VAV1: variants seen among roughly 807,000 people sequenced by gnomAD.
VAV1 encodes vav guanine nucleotide exchange factor 1.
Under a neutral mutation model 128.1 loss-of-function variants are expected in VAV1, and 33 were observed. That is an observed-to-expected ratio of 0.26 (90% CI 0.20 to 0.34). The LOEUF is 0.34. Among genes scored for constraint, VAV1 ranks in the 10% least tolerant of loss-of-function variants. The pLI, the probability that VAV1 is intolerant of heterozygous loss-of-function variation, is 1.00. For missense variants in VAV1, 715 were observed against 1,093.7 expected (o/e 0.65, Z 4.88); for synonymous variants, 394 against 409.8 (o/e 0.96, Z 0.47).
intron 14 of VAV1, 96 bp downstream of exon 14, chr19:6,830,014 C>T: frequency 1.3e-6 from 2 of 1,568,384 alleles, no homozygotes; most frequent in South Asian, 2.3e-5. Context: ...ACTACATCTA[C>T]ATGGAAGTGT....
intron 1 of VAV1, among the ~76,000 whole-genome samples, chr19:6,795,919 G>C (rs753959811): frequency 1.3e-5 from 2 of 152,066 alleles, no homozygotes; most frequent in Non-Finnish European, 2.9e-5. Flanking sequence ...TCCTGACCTC[G>C]TGATCCGCCC....
At position 6,843,072 on chromosome 19, in the gene VAV1, C is replaced by A; in HGVS notation, c.1981-63C>A. 3.9e-6 allele frequency: 6 copies of A among 1,542,486 alleles called. No individual in the cohort carries two copies. In the South Asian group the frequency reaches 6.7e-5, roughly 17 times the overall value. On this transcript the variant is annotated intron_variant, in intron 21 of 26. Coordinates refer to ENST00000602142, the MANE Select transcript of VAV1 (RefSeq NM_005428.4). ...GTGAATGAATGAATGAATGAAGTGC[C>A]CTGCCCTCTGCTGTCAAGCTGGGGT...
At chr19:6,795,327 G>A (rs1971107910) in intron 1 of VAV1, among the ~76,000 whole-genome samples, 1 of 152,000 alleles carries the variant, frequency 6.6e-6, no homozygotes, top group African/African-American at 2.4e-5. Flanking sequence ...TGACCTACAT[G>A]AACCTTGAGC....
At chr19:6,844,063 C>CTTTTTTTTTTTTTTTCTTTTTTTT (rs1972451647) in intron 22 of VAV1, among the ~76,000 whole-genome samples, 1 of 21,282 alleles carries the variant, frequency 4.7e-5, no homozygotes, top group African/African-American at 1.2e-4. Context: ...TCTTCTTCTT[C>CTTTTTTTTTTTTTTTCTTTTTTTT]TTTTTTTTTT....
At chr19:6,801,814 G>T (rs1047325184) in intron 1 of VAV1, among the ~76,000 whole-genome samples, 6 of 152,192 alleles carry the variant, frequency 3.9e-5, no homozygotes, top group Non-Finnish European at 5.9e-5. Context: ...TGGAAAGCCA[G>T]CCGACCTTTC....
rs1436798752 is a variant in VAV1 at position 6,777,103 on chromosome 19, T to C, written c.204+4092T>C. ...ACCTGCCCACCCACCCATCCATCCA[T>C]CTACTCATCCATCCATCCATCCATC... On this transcript the variant is annotated intron_variant, in intron 1 of 26. Coordinates refer to ENST00000602142, the MANE Select transcript of VAV1 (RefSeq NM_005428.4). The surrounding 1 kb of genome is among the most constrained non-coding windows in gnomAD (Gnocchi z 4.4). Among the ~76,000 whole-genome samples the C allele has an allele frequency of 6.6e-6, 1 of 151,516 alleles. No homozygotes were observed. The highest frequency in any genetic ancestry group is 2.4e-5 in the African/African-American group (1 of 41,188).
intron 2 of VAV1, 44 bp from the exon 3 acceptor site, chr19:6,821,578 G>A (rs1419068904): frequency 1.2e-6 from 2 of 1,611,328 alleles, no homozygotes; most frequent in Non-Finnish European, 1.7e-6. Flanking sequence ...TTCTGCCGTG[G>A]GGGTGTACAA....
chr19:6,826,890 A>C lies in VAV1; in HGVS notation c.927+179A>C. ...GCAGAGGAAATGGAGAAGAACAGAA[A>C]TGGGCTGGCCCTGGGTCTGGGCTGA... On this transcript the variant is annotated intron_variant, in intron 9 of 26. Coordinates refer to ENST00000602142, the MANE Select transcript of VAV1 (RefSeq NM_005428.4). This position sits in a 1 kb window ranked among gnomAD's most constrained non-coding sequence, Gnocchi z 4.1. 1 of 620,484 alleles carries C rather than the reference A, an allele frequency of 1.6e-6. No homozygotes were observed. Among genetic ancestry groups the C allele is most frequent in the Non-Finnish European group, 2.9e-6 (1 of 347,146 alleles). The allele number at this position is 620,484 out of a possible 1,614,324, so 38.4% of individuals were successfully genotyped here. A position where few individuals can be genotyped will look rare whatever the true frequency, so the allele number is the denominator to read the frequency against.
In VAV1 at chr19:6,833,187, C is replaced by T. The variant is rs1013247064; in HGVS notation, c.1512C>T (p.Ser504=). The change falls in exon 16 of 27, where the codon TCC becomes TCT. Residue 504 remains serine, a synonymous_variant. Coordinates refer to ENST00000602142, the MANE Select transcript of VAV1 (RefSeq NM_005428.4). ...KWMEQFEMAI[S]NIYPENATAN... ...TTTTTTAATTTTCCCCTGCCAGCTC[C>T]AACATCTATCCGGAGAATGCCACCG... is the stretch of plus-strand genomic sequence containing the variant. The T allele has an allele frequency of 6.3e-7, 1 of 1,598,258 alleles. No individual in the cohort carries two copies. Among genetic ancestry groups the T allele is most frequent in the Non-Finnish European group, 8.5e-7 (1 of 1,175,218 alleles).
At chr19:6,855,972 T>C (rs770260218) in intron 26 of VAV1, among the ~76,000 whole-genome samples, 6 of 152,214 alleles carry the variant, frequency 3.9e-5, no homozygotes, top group Non-Finnish European at 8.8e-5. Context: ...TTCTAGGCTC[T>C]TGGGATTCAG....
intron 1 of VAV1, among the ~76,000 whole-genome samples, chr19:6,814,782 A>G (rs1971609504): frequency 6.8e-6 from 1 of 146,662 alleles, no homozygotes; most frequent in Non-Finnish European, 1.5e-5. Flanking sequence ...CTTCAATACA[A>G]TGTTGAATAG....
chr19:6,833,156 T>C lies in VAV1; in HGVS notation c.1509-28T>C, dbSNP rs773847574. ...AGGAATAAAATACTGACCTTCTTTT[T>C]TTTTTTTTTTTAATTTTCCCCTGCC... On this transcript the variant is annotated intron_variant, in intron 15 of 26. Coordinates refer to ENST00000602142, the MANE Select transcript of VAV1 (RefSeq NM_005428.4). 19 of 1,574,926 alleles carry C rather than the reference T, an allele frequency of 1.2e-5. No homozygotes were observed. The African/African-American group carries it at 2.5e-4, about 21-fold the overall frequency.
Position 6,822,619 on chromosome 19 carries a change from TCC to T in VAV1, c.654+107_654+108del. The T allele has an allele frequency of 1.0e-6, 1 of 957,218 alleles. No homozygotes were observed. The allele number at this position is 957,218 out of a possible 1,614,324, so 59.3% of individuals were successfully genotyped here. On this transcript the variant is annotated intron_variant, in intron 6 of 26. Coordinates refer to ENST00000602142, the MANE Select transcript of VAV1 (RefSeq NM_005428.4). This position sits in a 1 kb window ranked among gnomAD's most constrained non-coding sequence, Gnocchi z 5.9. ...CTCTGGGCAGCTGAGGATTTCCTGC[TCC>T]CATCGCTTTTCCTTTCTGTGACTGT...
Position 6,837,968 on chromosome 19 carries a change from G to T in VAV1, c.1980+918G>T, listed in dbSNP as rs537994067. Among the ~76,000 whole-genome samples the T allele has an allele frequency of 5.3e-5, 8 of 151,918 alleles. No individual in the cohort carries two copies. The South Asian group carries it at 1.0e-3, about 20-fold the overall frequency. On this transcript the variant is annotated intron_variant, in intron 21 of 26. Transcript: ENST00000602142. Reference sequence around the variant, plus strand: ...CAAAAATTTTATCAAAAATTTTTTTGTTCCTATGGTTTCTCCACTGTCAAG... The same window carrying T: ...CAAAAATTTTATCAAAAATTTTTTTTTTCCTATGGTTTCTCCACTGTCAAG...
At position 6,833,178 on chromosome 19, in the gene VAV1, T is replaced by C. The variant is rs746717800; in HGVS notation, c.1509-6T>C. The C allele has an allele frequency of 5.7e-6, 9 of 1,588,514 alleles. No individual in the cohort carries two copies. The East Asian group carries it at 1.8e-4, about 32-fold the overall frequency. On this transcript the variant is annotated splice_polypyrimidine_tract_variant and splice_region_variant and intron_variant, in intron 15 of 26. Transcript: ENST00000602142. ...TTTTTTTTTTTTTTTAATTTTCCCC[T>C]GCCAGCTCCAACATCTATCCGGAGA...
At chr19:6,839,254 A>G (rs925245091) in intron 21 of VAV1, among the ~76,000 whole-genome samples, 6 of 149,326 alleles carry the variant, frequency 4.0e-5, no homozygotes, top group African/African-American at 1.5e-4. Context: ...GGGTCTCACT[A>G]TGTTGTCCAG....
At chr19:6,818,927 C>T (rs1278779234) in intron 1 of VAV1, among the ~76,000 whole-genome samples, 1 of 152,114 alleles carries the variant, frequency 6.6e-6, no homozygotes, top group African/African-American at 2.4e-5. Flanking sequence ...ACCAGCCTGA[C>T]CAACATGGTG....
chr19:6,822,258 G>A lies in VAV1; in HGVS notation c.487G>A (p.Val163Met), dbSNP rs1369256102. Residue 163 changes from valine (V) to methionine (M), a missense_variant, in exon 5 of 27, where the codon GTG (valine) becomes ATG (methionine). Coordinates refer to ENST00000602142, the MANE Select transcript of VAV1 (RefSeq NM_005428.4). The surrounding 1 kb of genome is among the most constrained non-coding windows in gnomAD (Gnocchi z 5.9). ...VEEDEDLYDC[V>M]ENEEAEGDEI... is the part of the protein sequence containing the mutation. ...GGAGGATGAGGACCTGTATGACTGC[G>A]TGGAGAATGAGGAGGCGGAAGGCGA... 8 of 1,591,924 alleles carry A rather than the reference G, an allele frequency of 5.0e-6. No individual in the cohort carries two copies. The highest frequency in any genetic ancestry group is 1.1e-5 in the South Asian group (1 of 87,060).
At chr19:6,832,547 C>T (rs1294786083) in intron 15 of VAV1, among the ~76,000 whole-genome samples, 1 of 128,926 alleles carries the variant, frequency 7.8e-6, no homozygotes, top group African/African-American at 3.4e-5. Context: ...TCCTCTTCTT[C>T]TTCCTCCTCC....
Sources: allele counts gnomAD v4.1 joint callset (sites outside exome capture counted in the v4.1 genomes callset), GRCh38; gene constraint gnomAD v4.1.1; non-coding constraint Gnocchi (gnomAD v3.1); transcripts MANE v1.5; gene names NCBI Gene and HGNC (gene_info 2026-07-23, HGNC 2026-07-21).